Variants in CSRNP3 observed in about 807,000 individuals in gnomAD.
The protein encoded by CSRNP3 is cysteine/serine-rich nuclear protein 3.
Under a neutral mutation model 48.0 loss-of-function variants are expected in CSRNP3, and 12 were observed. The observed-to-expected ratio is 0.25, with a 90% CI of 0.16 to 0.41. The LOEUF (loss-of-function observed/expected upper bound fraction) is 0.41, where lower values mean the gene tolerates loss of function less well. Among genes scored for constraint, CSRNP3 ranks in the 10% least tolerant of loss-of-function variants. The pLI is 1.00. For missense variants in CSRNP3, 580 were observed against 724.4 expected (o/e 0.80, Z 2.29); for synonymous variants, 263 against 269.7 (o/e 0.98, Z 0.24).
chr2:165,543,481 G>A (rs1913590), intron 3 of CSRNP3, among the ~76,000 whole-genome samples: 99,606 of 151,850 alleles, frequency 0.66, 32,953 homozygotes, highest in East Asian at 0.78. Context: ...TTTAGTTGAA[G>A]CTTTTAAAGT....
At position 165,578,206 on chromosome 2, in the gene CSRNP3, A is replaced by C. The variant is rs73969302; in HGVS notation, c.-23-16837A>C. Among the ~76,000 whole-genome samples, 347 of 152,168 alleles carry C rather than the reference A, an allele frequency of 2.3e-3. 2 individuals are homozygous for C. Among genetic ancestry groups the C allele is most frequent in the African/African-American group, 7.9e-3 (330 of 41,556 alleles). ...GGACTTGTGGTCCATCTCATTTTCA[A>C]ATCCTGGCATTAAATTTACCATCTT... On this transcript the variant is annotated intron_variant, in intron 3 of 6. Coordinates refer to ENST00000651982, the MANE Select transcript of CSRNP3 (RefSeq NM_001172173.2).
At chr2:165,577,326 T>C (rs1685469061) in intron 3 of CSRNP3, among the ~76,000 whole-genome samples, 1 of 151,838 alleles carries the variant, frequency 6.6e-6, no homozygotes, top group South Asian at 2.1e-4. Context: ...TTATTAAAAA[T>C]TATAAGAACA....
At chr2:165,520,317 C>G (rs1684634322) in intron 3 of CSRNP3, among the ~76,000 whole-genome samples, 1 of 152,098 alleles carries the variant, frequency 6.6e-6, no homozygotes, top group Non-Finnish European at 1.5e-5. Flanking sequence ...CCCAAATACT[C>G]CTGCCTGTTT....
At chr2:165,497,561 A>G (rs1277185982) in intron 2 of CSRNP3, among the ~76,000 whole-genome samples, 1 of 152,130 alleles carries the variant, frequency 6.6e-6, no homozygotes, top group African/African-American at 2.4e-5. Flanking sequence ...AAGAAAACCC[A>G]TGTTAGTGTT....
intron 3 of CSRNP3, among the ~76,000 whole-genome samples, chr2:165,551,447 G>C (rs1299268049): frequency 6.6e-6 from 1 of 152,110 alleles, no homozygotes; most frequent in South Asian, 2.1e-4. Flanking sequence ...TTCTTTCTCT[G>C]TTGTCCCTTG....
chr2:165,518,877 A>G (rs200835394), intron 3 of CSRNP3, among the ~76,000 whole-genome samples: 2 of 152,072 alleles, frequency 1.3e-5, no homozygotes, highest in East Asian at 3.8e-4. Context: ...TGAATAAGAT[A>G]TGGTCCTTGT....
intron 3 of CSRNP3, among the ~76,000 whole-genome samples, chr2:165,533,922 A>G (rs1684849180): frequency 6.6e-6 from 1 of 152,120 alleles, no homozygotes; most frequent in East Asian, 1.9e-4. Context: ...AATAAATGTT[A>G]CTGTTTTCAA....
In CSRNP3 at chr2:165,503,617, T is replaced by C. The variant is rs1684386800; in HGVS notation, c.-113+8689T>C. Reference sequence around the variant, plus strand: ...ATTTTTAAGCTAATAAACAAACTTGTTATGCCATTGGAATTACATTAAATA... The same window carrying C: ...ATTTTTAAGCTAATAAACAAACTTGCTATGCCATTGGAATTACATTAAATA... On this transcript the variant is annotated intron_variant, in intron 2 of 6. Transcript: ENST00000651982. Among the ~76,000 whole-genome samples the C allele has an allele frequency of 1.3e-5, 2 of 152,036 alleles. 1 individual carries two copies. Among genetic ancestry groups the C allele is most frequent in the South Asian group, 4.1e-4 (2 of 4,836 alleles).
rs1234533498 is a variant in CSRNP3, at chr2:165,574,446, C to T, written c.-23-20597C>T. 3.3e-6 allele frequency: 5 copies of T among 1,519,362 alleles called. No individual in the cohort carries two copies. In the East Asian group the frequency reaches 1.2e-4, roughly 38 times the overall value. The allele number at this position is 1,519,362 out of a possible 1,614,324, so 94.1% of individuals were successfully genotyped here. The stretch of plus-strand genomic sequence containing the variant: ...AGTGCACGCAGGTATGGTGACATTT[C>T]ATGATGCGCCTGATTTTATTTCTAT... On this transcript the variant is annotated intron_variant, in intron 3 of 6. Transcript: ENST00000651982.
intron 3 of CSRNP3, among the ~76,000 whole-genome samples, chr2:165,534,094 C>G (rs1198717577): frequency 6.6e-6 from 1 of 151,940 alleles, no homozygotes; most frequent in Non-Finnish European, 1.5e-5. Context: ...TTTATCATCT[C>G]ATCAAAGGTT....
At chr2:165,621,022 A>G (rs1481567298) in intron 4 of CSRNP3, among the ~76,000 whole-genome samples, 1 of 152,124 alleles carries the variant, frequency 6.6e-6, no homozygotes, top group African/African-American at 2.4e-5. Context: ...GAGAGAAATG[A>G]CCATCATATA....
intron 3 of CSRNP3, among the ~76,000 whole-genome samples, chr2:165,569,703 G>A (rs2105273218): frequency 6.6e-6 from 1 of 151,956 alleles, no homozygotes; most frequent in Non-Finnish European, 1.5e-5. Flanking sequence ...TGTTTTATAA[G>A]CAGAGCCACC....
chr2:165,632,253 AG>A (rs1686550466), intron 4 of CSRNP3, among the ~76,000 whole-genome samples: 3 of 152,198 alleles, frequency 2.0e-5, no homozygotes, highest in African/African-American at 7.2e-5. Flanking sequence ...CAGGCATGGT[AG>A]TTCACACCTG....
At chr2:165,621,960 A>G (rs1444535440) in intron 4 of CSRNP3, among the ~76,000 whole-genome samples, 1 of 152,134 alleles carries the variant, frequency 6.6e-6, no homozygotes, top group African/African-American at 2.4e-5. Flanking sequence ...TTTTCTTCAG[A>G]TCATTTGACA....
chr2:165,479,306 C>T (rs1369204918), intron 1 of CSRNP3, among the ~76,000 whole-genome samples: 1 of 151,884 alleles, frequency 6.6e-6, no homozygotes, highest in Non-Finnish European at 1.5e-5. Flanking sequence ...CAAGACAAAA[C>T]AATATCAAGC....
rs1187436532 is a variant in CSRNP3 at position 165,687,477 on chromosome 2, A to AT, written c.*7728dup. On this transcript the variant is annotated 3_prime_UTR_variant, in exon 7 of 7. Transcript: ENST00000651982. Reference sequence around the variant, plus strand: ...GAAGTTACAATTACAAAAAGTAAGCATTTTCTACATTCTTACTTCTAAGTA... The same window carrying AT: ...GAAGTTACAATTACAAAAAGTAAGCATTTTTCTACATTCTTACTTCTAAGTA... The AT allele has an allele frequency of 6.6e-6, 1 of 152,096 alleles. No individual in the cohort carries two copies. Among genetic ancestry groups the AT allele is most frequent in the Non-Finnish European group, 1.5e-5 (1 of 67,998 alleles). 9.4% of individuals were successfully genotyped at this position (152,096 alleles called of 1,614,324 possible). A position where few individuals can be genotyped will look rare whatever the true frequency, so the allele number is the denominator to read the frequency against.
intron 3 of CSRNP3, among the ~76,000 whole-genome samples, chr2:165,566,245 G>C (rs1685296471): frequency 6.6e-6 from 1 of 151,930 alleles, no homozygotes; most frequent in Admixed American, 6.6e-5. Context: ...GGGATTTTTA[G>C]TTTCCTTCAC....
intron 2 of CSRNP3, among the ~76,000 whole-genome samples, chr2:165,508,388 T>G (rs768711372): frequency 2.6e-5 from 4 of 152,190 alleles, no homozygotes; most frequent in South Asian, 2.1e-4. Flanking sequence ...GTCTCTTTTA[T>G]GCACACATAC....
intron 5 of CSRNP3, among the ~76,000 whole-genome samples, chr2:165,665,775 A>AAGAGAGAGAGAGAGAGAGAGAGAG (rs10645178): frequency 1.6e-4 from 21 of 131,282 alleles, no homozygotes; most frequent in African/African-American, 5.0e-4. Flanking sequence ...AAAAGAAAGA[A>AAGAGAGAGAGAGAGAGAGAGAGAG]AGAGAGAGAG....
Sources: allele counts gnomAD v4.1 joint callset (sites outside exome capture counted in the v4.1 genomes callset), GRCh38; gene constraint gnomAD v4.1.1; transcripts MANE v1.5; gene names NCBI Gene and HGNC (gene_info 2026-07-23, HGNC 2026-07-21).